The following ASPHD2 variants were observed in gnomAD, a reference collection of about 807,000 sequenced individuals.
ASPHD2 encodes the protein aspartate beta-hydroxylase domain containing 2, also known as aspartate beta-hydroxylase domain-containing protein 2.
Under a neutral mutation model 34.6 loss-of-function variants are expected in ASPHD2, and 12 were observed. The observed-to-expected ratio is 0.35, with a 90% CI of 0.22 to 0.56. The LOEUF (loss-of-function observed/expected upper bound fraction) is 0.56. Among genes scored for constraint, ASPHD2 ranks in the 20% least tolerant of loss-of-function variants. The probability of loss-of-function intolerance (pLI) is 0.87; values close to 1 mark genes in which losing one functional copy is unlikely to be tolerated. For missense variants in ASPHD2, 375 were observed against 505.0 expected (o/e 0.74, Z 2.47); for synonymous variants, 224 against 212.2 (o/e 1.06, Z -0.48).
At chr22:26,431,494 CAT>C (rs1310018124) in intron 1 of ASPHD2, among the ~76,000 whole-genome samples, 1 of 151,002 alleles carries the variant, frequency 6.6e-6, no homozygotes, top group African/African-American at 2.4e-5. Context: ...TTCCTAGAAA[CAT>C]AAAAAATTTC....
At position 26,443,497 on chromosome 22, in the gene ASPHD2, G is replaced by C. The variant is rs1256157457; in HGVS notation, c.*291G>C. ...CCTTTGATTGGTCCTTGAGTGACCA[G>C]AGACTTAGTGCCCTTGTAAGTCTGT... On this transcript the variant is annotated 3_prime_UTR_variant, in exon 4 of 4. Coordinates refer to ENST00000215906, the MANE Select transcript of ASPHD2 (RefSeq NM_020437.5). 3.5e-6 allele frequency: 1 copy of C among 286,836 alleles called. No individual in the cohort carries two copies. The highest frequency in any genetic ancestry group is 5.0e-5 in the Admixed American group (1 of 19,978). 17.8% of individuals were successfully genotyped at this position (286,836 alleles called of 1,614,324 possible).
chr22:26,443,451 T>G lies in ASPHD2; in HGVS notation c.*245T>G. On this transcript the variant is annotated 3_prime_UTR_variant, in exon 4 of 4. Transcript: ENST00000215906. ...TCCAATCATTTGCTTCAGAGACTCCTTTCTGGCCTAACAGCGCATTCCTTT... is the reference window on the plus strand; with the variant it reads ...TCCAATCATTTGCTTCAGAGACTCCGTTCTGGCCTAACAGCGCATTCCTTT... The G allele has an allele frequency of 2.2e-6, 1 of 454,638 alleles. No homozygotes were observed. The highest frequency in any genetic ancestry group is 4.0e-6 in the Non-Finnish European group (1 of 250,970). 28.2% of individuals were successfully genotyped at this position (454,638 alleles called of 1,614,324 possible).
chr22:26,436,617 C>T (rs1347492449), intron 2 of ASPHD2, among the ~76,000 whole-genome samples: 1 of 152,158 alleles, frequency 6.6e-6, no homozygotes, highest in Non-Finnish European at 1.5e-5. Context: ...TGATGCCAGG[C>T]TTGAGAATGG....
Position 26,443,516 on chromosome 22 carries a change from A to AGTCT in ASPHD2, c.*315_*318dup, listed in dbSNP as rs1214687316. On this transcript the variant is annotated 3_prime_UTR_variant, in exon 4 of 4. Coordinates refer to ENST00000215906, the MANE Select transcript of ASPHD2 (RefSeq NM_020437.5). ...TGACCAGAGACTTAGTGCCCTTGTA[A>AGTCT]GTCTGTCTTCTGTTGCTACTTGTTT... 14 of 230,210 alleles carry AGTCT rather than the reference A, an allele frequency of 6.1e-5. No individual in the cohort carries two copies. The highest frequency in any genetic ancestry group is 4.9e-4 in the Admixed American group (9 of 18,348). The allele number at this position is 230,210 out of a possible 1,614,324, so 14.3% of individuals were successfully genotyped here.
Position 26,443,235 on chromosome 22 carries a change from A to G in ASPHD2, c.*29A>G, listed in dbSNP as rs1438267507. On this transcript the variant is annotated 3_prime_UTR_variant, in exon 4 of 4. Coordinates refer to ENST00000215906, the MANE Select transcript of ASPHD2 (RefSeq NM_020437.5). ...TATTTCCCATGCTGGAGTCGGCGAG[A>G]AGGGCCGAGGCGGGGCCTGGGCAGA... 2 of 1,593,132 alleles carry G rather than the reference A, an allele frequency of 1.3e-6. No homozygotes were observed. The highest frequency in any genetic ancestry group is 1.7e-6 in the Non-Finnish European group (2 of 1,161,110).
chr22:26,435,216 ATCT>A (rs1480249555), intron 2 of ASPHD2, among the ~76,000 whole-genome samples: 1 of 152,200 alleles, frequency 6.6e-6, no homozygotes, highest in Non-Finnish European at 1.5e-5. Flanking sequence ...AGGTAAAAAG[ATCT>A]TCTCCTAAAG....
Position 26,438,564 on chromosome 22 carries a change from TAC to T in ASPHD2, c.887-3891_887-3890del, listed in dbSNP as rs1284612598. Among the ~76,000 whole-genome samples the T allele has an allele frequency of 7.6e-4, 103 of 135,058 alleles. 2 individuals carry two copies. In the South Asian group the frequency reaches 0.021, roughly 27 times the overall value. The allele number at this position is 135,058 out of a possible 152,430, so 88.6% of individuals were successfully genotyped here. ...ACATACATATATACACATACATATA[TAC>T]ACATACATATATATACATACATATA... On this transcript the variant is annotated intron_variant, in intron 2 of 3. Transcript: ENST00000215906.
At chr22:26,440,388 G>T (rs117111881) in intron 2 of ASPHD2, among the ~76,000 whole-genome samples, 16,252 of 152,138 alleles carry the variant, frequency 0.11, 1,179 homozygotes, top group Non-Finnish European at 0.17. Flanking sequence ...CTGGAGTGCG[G>T]TGATGCAATC....
intron 2 of ASPHD2, among the ~76,000 whole-genome samples, chr22:26,441,922 C>CAAACA (rs60965264): frequency 0.94 from 141,184 of 149,746 alleles, 66,804 homozygotes; most frequent in African/African-American, 0.99. Flanking sequence ...GACTCTGTCT[C>CAAACA]AAACAAAACA....
chr22:26,433,413 C>T lies in ASPHD2; in HGVS notation c.-203C>T. The T allele has an allele frequency of 1.8e-6, 1 of 555,634 alleles. No individual in the cohort carries two copies. The highest frequency in any genetic ancestry group is 2.5e-5 in the South Asian group (1 of 39,976). 34.4% of individuals were successfully genotyped at this position (555,634 alleles called of 1,614,324 possible). A position where few individuals can be genotyped will look rare whatever the true frequency, so the allele number is the denominator to read the frequency against. On this transcript the variant is annotated 5_prime_UTR_variant, in exon 2 of 4. Transcript: ENST00000215906. This position sits in a 1 kb window ranked among gnomAD's most constrained non-coding sequence, Gnocchi z 5.1. The stretch of plus-strand genomic sequence containing the variant: ...CCAGGTTTGGTTTTCCTAAACAAAT[C>T]CTTTCACAGGGACCGACGGCACTTG...
chr22:26,439,535 C>T (rs2084823063), intron 2 of ASPHD2, among the ~76,000 whole-genome samples: 1 of 152,236 alleles, frequency 6.6e-6, no homozygotes, highest in Non-Finnish European at 1.5e-5. Context: ...CAGGCTGACT[C>T]AGCAACACTA....
chr22:26,435,481 G>A (rs774915649), intron 2 of ASPHD2, among the ~76,000 whole-genome samples: 16 of 152,138 alleles, frequency 1.1e-4, no homozygotes, highest in Non-Finnish European at 2.9e-5. Flanking sequence ...AGTTCACAAC[G>A]CTGCTTCAGC....
chr22:26,435,767 A>G (rs933357604), intron 2 of ASPHD2, among the ~76,000 whole-genome samples: 19 of 151,136 alleles, frequency 1.3e-4, no homozygotes, highest in Non-Finnish European at 2.1e-4. Flanking sequence ...AAAGAAAAAT[A>G]TAATGAGATT....
At chr22:26,436,184 G>A (rs372431543) in intron 2 of ASPHD2, among the ~76,000 whole-genome samples, 2 of 152,222 alleles carry the variant, frequency 1.3e-5, no homozygotes, top group Admixed American at 6.5e-5. Flanking sequence ...CCCATTTGCT[G>A]AGTGACCTTG....
In ASPHD2 at chr22:26,433,686, C is replaced by T. The variant is rs775479014; in HGVS notation, c.71C>T (p.Ser24Phe). ...TTGCTTCACACGCCCAGTAAGGACT[C>T]CCCCAAGATGTCGCTCGAGTGGCTG... ...LTLLHTPSKDSPKMSLEWLVA... is the reference protein window; with the variant it reads ...LTLLHTPSKDFPKMSLEWLVA... The change falls in exon 2 of 4, where the codon TCC (serine) becomes TTC (phenylalanine). Residue 24 changes from serine (S) to phenylalanine (F), a missense_variant. Ser to Phe is a radical substitution (Grantham distance 155, BLOSUM62 -2). This residue lies in a region of ASPHD2 where 223 missense variants were observed against 257.8 expected (regional missense o/e 0.87). Coordinates refer to ENST00000215906, the MANE Select transcript of ASPHD2 (RefSeq NM_020437.5). The surrounding 1 kb of genome is among the most constrained non-coding windows in gnomAD (Gnocchi z 5.1). 2.5e-6 allele frequency: 4 copies of T among 1,614,012 alleles called. 1 individual carries two copies. The Admixed American group carries it at 6.7e-5, about 27-fold the overall frequency.
intron 2 of ASPHD2, among the ~76,000 whole-genome samples, chr22:26,434,797 C>G (rs531737570): frequency 6.6e-6 from 1 of 152,196 alleles, no homozygotes; most frequent in Non-Finnish European, 1.5e-5. Flanking sequence ...ACACATGTGA[C>G]TAATTGAGTG....
intron 2 of ASPHD2, among the ~76,000 whole-genome samples, chr22:26,437,710 C>T (rs572187720): frequency 6.6e-6 from 1 of 152,116 alleles, no homozygotes; most frequent in African/African-American, 2.4e-5. Flanking sequence ...CGGGTGGTAA[C>T]AGTAGATCAG....
Position 26,434,582 on chromosome 22 carries a change from A to G in ASPHD2, c.886+81A>G, listed in dbSNP as rs1010031381. ...TCCATCAAAACATCGCGAAAGCTCA[A>G]ATGGTCAGAATTGCGCCTTTTCGCA... On this transcript the variant is annotated intron_variant, in intron 2 of 3. Coordinates refer to ENST00000215906, the MANE Select transcript of ASPHD2 (RefSeq NM_020437.5). 9.7e-6 allele frequency: 14 copies of G among 1,448,786 alleles called. No homozygotes were observed. In the African/African-American group the frequency reaches 1.4e-4, roughly 15 times the overall value. The allele number at this position is 1,448,786 out of a possible 1,614,324, so 89.7% of individuals were successfully genotyped here. A position where few individuals can be genotyped will look rare whatever the true frequency, so the allele number is the denominator to read the frequency against.
intron 2 of ASPHD2, among the ~76,000 whole-genome samples, chr22:26,441,142 T>G (rs2084833422): frequency 6.6e-6 from 1 of 152,178 alleles, no homozygotes; most frequent in Admixed American, 6.5e-5. Context: ...AAGGCCTGCT[T>G]CTTGTTCATA....
Sources: allele counts gnomAD v4.1 joint callset (sites outside exome capture counted in the v4.1 genomes callset), GRCh38; gene constraint gnomAD v4.1.1; regional missense constraint gnomAD v4.1.1; non-coding constraint Gnocchi (gnomAD v3.1); transcripts MANE v1.5; gene names NCBI Gene and HGNC (gene_info 2026-07-23, HGNC 2026-07-21).